The following CYSLTR1 variants were observed in gnomAD, a reference collection of about 807,000 sequenced individuals.
The protein encoded by CYSLTR1 is G-protein coupled receptor HG55.
CYSLTR1 carries 1 observed loss-of-function variant against 2.1 expected under a neutral mutation model. The ratio of observed to expected loss-of-function variants is 0.48; its 90% CI spans 0.17 to 2.28. The LOEUF is 2.28. Among genes scored for constraint, CYSLTR1 ranks in the 30% most tolerant of loss-of-function variants. The pLI, the probability that CYSLTR1 is intolerant of heterozygous loss-of-function variation, is 0.26. For synonymous variants in CYSLTR1, 110 were observed against 89.6 expected, an observed-to-expected ratio of 1.23 and a Z score of -1.28; for missense variants, 299 against 250.1, an observed-to-expected ratio of 1.20 and a Z score of -1.32.
Position 78,273,273 on chromosome X carries a change from A to T in CYSLTR1, c.474T>A (p.Phe158Leu). ...CATCTTTTTGTGGTTTGGCCATTAG[A>T]AATGGAGAACTGGTCAAAATCACAA... The part of the protein sequence containing the change: ...WIFVILTSSP[F>L]LMAKPQKDEK... Residue 158 changes from phenylalanine (F) to leucine (L), a missense_variant, in exon 3 of 3, where the codon TTT (phenylalanine) becomes TTA (leucine). Transcript: ENST00000373304. 8.3e-7 allele frequency: 1 copy of T among 1,210,150 alleles called. No individual in the cohort carries two copies. Among genetic ancestry groups the T allele is most frequent in the Admixed American group, 2.2e-5 (1 of 45,809 alleles).
At chrX:78,309,213 T>C (rs1923135326) in intron 1 of CYSLTR1, among the ~76,000 whole-genome samples, 1 of 111,190 alleles carries the variant, frequency 9.0e-6, no homozygotes, top group Non-Finnish European at 1.9e-5. Flanking sequence ...GTGTGCAAAG[T>C]ATATCAGCAA....
At chrX:78,275,201 T>A (rs1198102966) in intron 2 of CYSLTR1, among the ~76,000 whole-genome samples, 5 of 111,449 alleles carry the variant, frequency 4.5e-5, no homozygotes, top group Non-Finnish European at 9.4e-5. Context: ...ACTAGAAATA[T>A]CATTTGACCA....
intron 1 of CYSLTR1, among the ~76,000 whole-genome samples, chrX:78,292,133 G>A (rs1240814828): frequency 8.9e-6 from 1 of 111,902 alleles, no homozygotes; most frequent in African/African-American, 3.3e-5. Context: ...TCTACAAACT[G>A]CTTTAAATGT....
chrX:78,275,149 A>G (rs1313341643), intron 2 of CYSLTR1, among the ~76,000 whole-genome samples: 1 of 112,229 alleles, frequency 8.9e-6, no homozygotes, highest in East Asian at 2.8e-4. Context: ...AACTAGTTCA[A>G]CCATTGTGGA....
intron 1 of CYSLTR1, chrX:78,318,803 C>T (rs1405481298): frequency 1.8e-5 from 2 of 110,917 alleles, no homozygotes; most frequent in Non-Finnish European, 3.8e-5. Context: ...TGGCAGTCAT[C>T]TTTGACTCCA....
At chrX:78,323,955 T>G (rs1002739787) in intron 1 of CYSLTR1, among the ~76,000 whole-genome samples, 1 of 111,939 alleles carries the variant, frequency 8.9e-6, no homozygotes, top group Non-Finnish European at 1.9e-5. Context: ...TCTTTTCCTC[T>G]ATTTCTATAA....
At chrX:78,292,644 G>GGCT (rs1173243063) in intron 1 of CYSLTR1, among the ~76,000 whole-genome samples, 3 of 111,534 alleles carry the variant, frequency 2.7e-5, no homozygotes, top group Admixed American at 9.5e-5. Context: ...TTATGAATCT[G>GGCT]GCTGCTCTTG....
At chrX:78,282,693 G>A (rs1921890743) in intron 2 of CYSLTR1, among the ~76,000 whole-genome samples, 1 of 111,460 alleles carries the variant, frequency 9.0e-6, no homozygotes, top group Non-Finnish European at 1.9e-5. Flanking sequence ...TTGAGCTCAG[G>A]AGTTTGAGAC....
At chrX:78,277,128 C>T (rs320991) in intron 2 of CYSLTR1, among the ~76,000 whole-genome samples, 60,239 of 110,007 alleles carry the variant, frequency 0.55, 13,902 homozygotes, top group Non-Finnish European at 0.72. Context: ...AGCATGGCCA[C>T]GGTTACACAT....
chrX:78,287,761 T>C (rs1366012996), intron 1 of CYSLTR1, among the ~76,000 whole-genome samples: 1 of 110,840 alleles, frequency 9.0e-6, no homozygotes, highest in East Asian at 2.8e-4. Context: ...TCCCTGGGAA[T>C]AGGAACAGGG....
At chrX:78,324,035 C>A (rs1446338454) in intron 1 of CYSLTR1, among the ~76,000 whole-genome samples, 1 of 111,612 alleles carries the variant, frequency 9.0e-6, no homozygotes, top group Non-Finnish European at 1.9e-5. Flanking sequence ...GAACCCACCA[C>A]CCCAATCTAG....
At chrX:78,283,709 CATCT>C (rs1207653335) in intron 1 of CYSLTR1, among the ~76,000 whole-genome samples, 169 bp from the exon 2 acceptor site, 1 of 111,896 alleles carries the variant, frequency 8.9e-6, no homozygotes, top group Non-Finnish European at 1.9e-5. Flanking sequence ...CTTTTTTCTC[CATCT>C]GTTTTTACAG....
chrX:78,278,578 A>G (rs1185621845), intron 2 of CYSLTR1, among the ~76,000 whole-genome samples: 1 of 112,576 alleles, frequency 8.9e-6, no homozygotes, highest in African/African-American at 3.2e-5. Flanking sequence ...CTATGAAACT[A>G]CCAACAGCAC....
chrX:78,293,625 T>C (rs1176427901), intron 1 of CYSLTR1, among the ~76,000 whole-genome samples: 2 of 112,103 alleles, frequency 1.8e-5, no homozygotes, highest in African/African-American at 6.5e-5. Flanking sequence ...CAATCAGACG[T>C]AGATTTGGCC....
chrX:78,306,162 G>A (rs1923021957), intron 1 of CYSLTR1, among the ~76,000 whole-genome samples: 1 of 111,519 alleles, frequency 9.0e-6, no homozygotes, highest in Admixed American at 9.5e-5. Flanking sequence ...TATGGTCGTT[G>A]AGGGTTTTTC....
chrX:78,312,777 A>G (rs1359634015), intron 1 of CYSLTR1, among the ~76,000 whole-genome samples: 1 of 112,245 alleles, frequency 8.9e-6, no homozygotes, highest in African/African-American at 3.2e-5. Context: ...CCATCTCATA[A>G]CAGTCAAAAT....
chrX:78,280,692 C>T (rs1346009445), intron 2 of CYSLTR1, among the ~76,000 whole-genome samples: 11 of 111,164 alleles, frequency 9.9e-5, no homozygotes, highest in Non-Finnish European at 3.8e-5. Context: ...AGGTATTAAT[C>T]CTAGTACACA....
At chrX:78,290,025 T>A (rs1922250595) in intron 1 of CYSLTR1, among the ~76,000 whole-genome samples, 1 of 112,155 alleles carries the variant, frequency 8.9e-6, no homozygotes, top group South Asian at 3.7e-4. Flanking sequence ...GTTTCAGTCA[T>A]GAAGGCTTTG....
intron 1 of CYSLTR1, among the ~76,000 whole-genome samples, chrX:78,314,501 G>T (rs987263628): frequency 9.0e-6 from 1 of 111,206 alleles, no homozygotes; most frequent in Non-Finnish European, 1.9e-5. Flanking sequence ...ATTTCATATT[G>T]CAGAAAGAGG....
Sources: gnomAD v4.1 joint callset for allele counts (sites outside exome capture counted in the v4.1 genomes callset) on GRCh38, gnomAD v4.1.1 for gene constraint, MANE v1.5 for transcripts, NCBI Gene and HGNC (gene_info 2026-07-23, HGNC 2026-07-21) for gene names.